The following CHEK1 variants were observed in gnomAD, a reference collection of about 807,000 sequenced individuals.
The protein encoded by CHEK1 is serine/threonine-protein kinase Chk1.
Under a neutral mutation model 60.2 loss-of-function variants are expected in CHEK1, and 32 were observed. That is an observed-to-expected ratio of 0.53 (90% CI 0.40 to 0.71). The LOEUF (loss-of-function observed/expected upper bound fraction) is 0.71, where lower values mean the gene tolerates loss of function less well. CHEK1 is among the 30% of genes least tolerant of loss of function. The pLI, the probability that CHEK1 is intolerant of heterozygous loss-of-function variation, is 0.00. For missense variants in CHEK1, 399 were observed against 564.6 expected, an observed-to-expected ratio of 0.71 and a Z score of 2.97; for synonymous variants, 179 against 187.2, an observed-to-expected ratio of 0.96 and a Z score of 0.36.
Position 125,629,464 on chromosome 11 carries a change from A to T in CHEK1, c.424+4A>T. On this transcript the variant is annotated splice_donor_region_variant and intron_variant, in intron 5 of 12. Coordinates refer to ENST00000438015, the MANE Select transcript of CHEK1 (RefSeq NM_001114122.3). ...AATCTTCTGTTGGATGAAAGGGGTA[A>T]GTTTAGCATTTTATCACTACCTAAA... The T allele has an allele frequency of 1.3e-6, 2 of 1,597,296 alleles. No homozygotes were observed. Among genetic ancestry groups the T allele is most frequent in the African/African-American group, 2.7e-5 (2 of 74,678 alleles).
chr11:125,677,854 C>G (rs1354045635), downstream of CHEK1: 2 of 1,614,052 alleles, frequency 1.2e-6, no homozygotes, highest in Non-Finnish European at 1.7e-6. Flanking sequence ...GCGTGCTCAC[C>G]TGAAGGCTGT....
downstream of CHEK1, among the ~76,000 whole-genome samples, chr11:125,661,766 A>G (rs537395025): frequency 7.1e-4 from 108 of 152,130 alleles, no homozygotes; most frequent in Non-Finnish European, 1.2e-3. Context: ...ACAATCAAAG[A>G]TCTTTACACT....
intron 13 of CHEK1, among the ~76,000 whole-genome samples, chr11:125,668,322 C>A: frequency 6.6e-6 from 1 of 152,166 alleles, no homozygotes; most frequent in Non-Finnish European, 1.5e-5. Flanking sequence ...TACAGACCAG[C>A]TATTTTGTAT....
intron 13 of CHEK1, among the ~76,000 whole-genome samples, chr11:125,668,804 A>G (rs1942145315): frequency 6.6e-6 from 1 of 152,094 alleles, no homozygotes; most frequent in Non-Finnish European, 1.5e-5. Flanking sequence ...CAATCCTCCC[A>G]TGTCAGCCTC....
chr11:125,661,385 C>CAA (rs1426893197), downstream of CHEK1, among the ~76,000 whole-genome samples: 1 of 152,080 alleles, frequency 6.6e-6, no homozygotes, highest in Non-Finnish European at 1.5e-5. Flanking sequence ...CATCTCAGCT[C>CAA]ACTGCCACCT....
chr11:125,626,248 C>T, intron 1 of CHEK1: 1 of 552,906 alleles, frequency 1.8e-6, no homozygotes, highest in East Asian at 2.9e-5. Flanking sequence ...AAGGAAGAGT[C>T]CCAGCCCTTC....
In CHEK1 at chr11:125,653,769, G is replaced by A. The variant is rs1394638193; in HGVS notation, c.1257G>A (p.Arg419=). ...MNQVTISTTD[R]RNNKLIFKVN... is the part of the protein sequence containing the mutation. ...AGGTTACTATATCAACAACTGATAG[G>A]AGAAACAATAAACTCATTTTCAAAG... Residue 419 remains arginine (R), a synonymous_variant, in exon 12 of 13, where the codon AGG becomes AGA. Transcript: ENST00000438015. The surrounding 1 kb of genome is among the most constrained non-coding windows in gnomAD (Gnocchi z 4.3). The A allele has an allele frequency of 6.3e-7, 1 of 1,590,176 alleles. No individual in the cohort carries two copies. The highest frequency in any genetic ancestry group is 1.3e-5 in the African/African-American group (1 of 74,108).
chr11:125,667,502 C>A (rs1942120899), intron 13 of CHEK1, among the ~76,000 whole-genome samples: 1 of 152,120 alleles, frequency 6.6e-6, no homozygotes, highest in Non-Finnish European at 1.5e-5. Flanking sequence ...GTGTCAGATT[C>A]TTTAGGGTTT....
intron 11 of CHEK1, among the ~76,000 whole-genome samples, chr11:125,645,658 A>C (rs1206887640): frequency 6.6e-6 from 1 of 152,202 alleles, no homozygotes; most frequent in African/African-American, 2.4e-5. Flanking sequence ...GGTTTGTAGG[A>C]GAATGCCCTT....
At chr11:125,678,583 T>C (rs1942634662), downstream of CHEK1, among the ~76,000 whole-genome samples, 1 of 152,030 alleles carries the variant, frequency 6.6e-6, no homozygotes, top group Non-Finnish European at 1.5e-5. Flanking sequence ...CTCATCCATG[T>C]ACAAAAAACC....
chr11:125,635,447 C>G lies in CHEK1; in HGVS notation c.632C>G (p.Pro211Arg). ...TTTTTAGAATTGCCATGGGACCAAC[C>G]CAGTGACAGCTGTCAGGAGTATTCT... ...MLAGELPWDQPSDSCQEYSDW... is the reference protein window; with the variant it reads ...MLAGELPWDQRSDSCQEYSDW... Residue 211 changes from proline to arginine, a missense_variant, in exon 7 of 13, where the codon CCC becomes CGC. Pro to Arg is a moderately radical substitution (Grantham distance 103, BLOSUM62 -2). Around this residue, in one of 2 missense-constraint regions of CHEK1, gnomAD observed 370 missense variants for 494.8 expected, o/e 0.75. Transcript: ENST00000438015. 4 of 1,596,208 alleles carry G rather than the reference C, an allele frequency of 2.5e-6. No homozygotes were observed. The highest frequency in any genetic ancestry group is 3.4e-6 in the Non-Finnish European group (4 of 1,173,530).
chr11:125,641,054 G>T (rs1591405205), intron 8 of CHEK1, among the ~76,000 whole-genome samples: 1 of 152,106 alleles, frequency 6.6e-6, no homozygotes, highest in East Asian at 1.9e-4. Flanking sequence ...CTACCTGCTT[G>T]TAACTCCCTT....
intron 2 of CHEK1, 92 bp downstream of exon 2, chr11:125,626,925 G>C: frequency 7.2e-7 from 1 of 1,388,728 alleles, no homozygotes; most frequent in Non-Finnish European, 1.0e-6. Flanking sequence ...AGATGTTTGA[G>C]ATCCAAGGGT....
At chr11:125,626,266 C>T (rs1256797462) in intron 1 of CHEK1, 1 of 525,270 alleles carries the variant, frequency 1.9e-6, no homozygotes, top group East Asian at 3.0e-5. Context: ...TTCCTTTCGC[C>T]TCTGGGGGCA....
intron 13 of CHEK1, among the ~76,000 whole-genome samples, chr11:125,672,889 C>T (rs150977776): frequency 1.4e-3 from 211 of 152,218 alleles, no homozygotes; most frequent in African/African-American, 4.5e-3. Context: ...CATCAGTTGC[C>T]CACTCCTTTC....
Position 125,625,340 on chromosome 11 carries a change from G to C in CHEK1, c.-693G>C, listed in dbSNP as rs192831922. The C allele has an allele frequency of 4.1e-6, 1 of 245,754 alleles. No individual in the cohort carries two copies. Among genetic ancestry groups the C allele is most frequent in the Non-Finnish European group, 7.9e-6 (1 of 125,950 alleles). 15.2% of individuals were successfully genotyped at this position (245,754 alleles called of 1,614,324 possible). A position where few individuals can be genotyped will look rare whatever the true frequency, so the allele number is the denominator to read the frequency against. On this transcript the variant is annotated 5_prime_UTR_variant, in exon 1 of 13. Coordinates refer to ENST00000438015, the MANE Select transcript of CHEK1 (RefSeq NM_001114122.3). ...CTTCAAGCTCCAACATAAACTGCTCGCTTTCTCCGGGAAACTTGCCCCGCC... is the reference window on the plus strand; with the variant it reads ...CTTCAAGCTCCAACATAAACTGCTCCCTTTCTCCGGGAAACTTGCCCCGCC...
chr11:125,650,176 C>T (rs576921014), intron 11 of CHEK1, among the ~76,000 whole-genome samples: 11 of 152,014 alleles, frequency 7.2e-5, no homozygotes, highest in Admixed American at 7.2e-4. Context: ...TCCTCTCCCT[C>T]TTGGACTCAT....
chr11:125,676,175 T>A (rs1346595638), exon 14 of CHEK1: 1 of 689,706 alleles, frequency 1.4e-6, no homozygotes, highest in Non-Finnish European at 2.3e-6. Flanking sequence ...CCCAAAGTGC[T>A]GGGATTTTAG....
At chr11:125,659,828 T>C (rs1941979932), downstream of CHEK1, among the ~76,000 whole-genome samples, 1 of 152,218 alleles carries the variant, frequency 6.6e-6, no homozygotes, top group South Asian at 2.1e-4. Flanking sequence ...AATTTCATCC[T>C]TTCAGAAAGA....
Sources: gnomAD v4.1 joint callset for allele counts (sites outside exome capture counted in the v4.1 genomes callset) on GRCh38, gnomAD v4.1.1 for gene constraint, gnomAD v4.1.1 regional missense constraint, Gnocchi (gnomAD v3.1) non-coding constraint, MANE v1.5 for transcripts, NCBI Gene and HGNC (gene_info 2026-07-23, HGNC 2026-07-21) for gene names.